TESK2: variants seen among roughly 807,000 people sequenced by gnomAD.
TESK2 encodes dual specificity testis-specific protein kinase 2.
A neutral mutation model predicts 57.1 loss-of-function variants in TESK2; 39 were observed. The observed-to-expected ratio is 0.68, with a 90% CI of 0.53 to 0.89. The LOEUF is 0.89. TESK2 is among the 40% of genes least tolerant of loss of function. The pLI, the probability that TESK2 is intolerant of heterozygous loss-of-function variation, is 0.00. For missense variants in TESK2, 646 were observed against 732.1 expected (o/e 0.88, Z 1.36); for synonymous variants, 249 against 267.9 (o/e 0.93, Z 0.69).
chr1:45,483,304 A>C (rs1653311608), intron 1 of TESK2, among the ~76,000 whole-genome samples: 1 of 150,920 alleles, frequency 6.6e-6, no homozygotes, highest in Non-Finnish European at 1.5e-5. Context: ...CAACAACAAC[A>C]AAAAAGAGGA....
At chr1:45,389,853 C>G (rs1002521382) in intron 3 of TESK2, among the ~76,000 whole-genome samples, 1 of 152,152 alleles carries the variant, frequency 6.6e-6, no homozygotes, top group Non-Finnish European at 1.5e-5. Context: ...AAATAAAGGT[C>G]AGTGGTTTTT....
intron 2 of TESK2, among the ~76,000 whole-genome samples, chr1:45,434,586 G>A (rs1651117618): frequency 6.6e-6 from 1 of 151,792 alleles, no homozygotes; most frequent in East Asian, 1.9e-4. Context: ...ATGATGTTGA[G>A]CATTTTTCGT....
chr1:45,349,514 T>C (rs1378261155), intron 5 of TESK2, among the ~76,000 whole-genome samples: 1 of 152,218 alleles, frequency 6.6e-6, no homozygotes, highest in Admixed American at 6.5e-5. Context: ...ATGTCACCTA[T>C]GTCTCTTCCC....
At chr1:45,379,162 C>T (rs1648550716) in intron 4 of TESK2, among the ~76,000 whole-genome samples, 1 of 152,172 alleles carries the variant, frequency 6.6e-6, no homozygotes, top group Non-Finnish European at 1.5e-5. Flanking sequence ...CAGGGTCTGC[C>T]TTGCTCACTT....
At chr1:45,419,818 G>A (rs74227014) in intron 3 of TESK2, among the ~76,000 whole-genome samples, 1 of 152,026 alleles carries the variant, frequency 6.6e-6, no homozygotes, top group East Asian at 1.9e-4. Context: ...AAAAAAAAGT[G>A]TTAATTTGAC....
At chr1:45,453,802 AAT>A (rs546938409) in intron 2 of TESK2, among the ~76,000 whole-genome samples, 2 of 152,176 alleles carry the variant, frequency 1.3e-5, no homozygotes, top group Non-Finnish European at 1.5e-5. Flanking sequence ...GTAAGGGATA[AAT>A]ATTCCCTATA....
chr1:45,390,241 G>A (rs1404543822), intron 3 of TESK2, among the ~76,000 whole-genome samples: 2 of 152,140 alleles, frequency 1.3e-5, no homozygotes, highest in East Asian at 1.9e-4. Flanking sequence ...GACCAGCCTG[G>A]AGAATACGGT....
intron 3 of TESK2, among the ~76,000 whole-genome samples, chr1:45,392,180 G>T (rs991888803): frequency 6.6e-6 from 1 of 152,144 alleles, no homozygotes; most frequent in Non-Finnish European, 1.5e-5. Context: ...CCGCCTCCCG[G>T]GTTCAAGCAA....
At chr1:45,479,211 A>C (rs921123146) in intron 1 of TESK2, among the ~76,000 whole-genome samples, 6 of 152,212 alleles carry the variant, frequency 3.9e-5, no homozygotes, top group Admixed American at 6.5e-5. Flanking sequence ...AGTAAATACT[A>C]TGTAATGTGA....
At chr1:45,409,445 T>C (rs920662026) in intron 3 of TESK2, among the ~76,000 whole-genome samples, 1 of 152,172 alleles carries the variant, frequency 6.6e-6, no homozygotes, top group African/African-American at 2.4e-5. Flanking sequence ...TGATTGGAAA[T>C]ATGGTCAGAG....
rs759546965 is a variant in TESK2 at position 45,346,786 on chromosome 1, A to G, written c.793-7T>C. On this transcript the variant is annotated splice_region_variant and splice_polypyrimidine_tract_variant and intron_variant, in intron 8 of 10. Coordinates refer to ENST00000372086, the MANE Select transcript of TESK2 (RefSeq NM_007170.3). The stretch of plus-strand genomic sequence containing the variant: ...CATAGTCCAGCCCGAAATTCTGTGG[A>G]TGGGTATGGAAAGCATAGGTAGACA... 1.2e-6 allele frequency: 2 copies of G among 1,613,132 alleles called. No individual in the cohort carries two copies. The highest frequency in any genetic ancestry group is 1.7e-6 in the Non-Finnish European group (2 of 1,179,226).
At chr1:45,476,825 A>G (rs1301244453) in intron 1 of TESK2, among the ~76,000 whole-genome samples, 1 of 148,092 alleles carries the variant, frequency 6.8e-6, no homozygotes, top group African/African-American at 2.5e-5. Flanking sequence ...CCAGCCTGGG[A>G]GATAGAGTGA....
At chr1:45,384,827 G>A (rs542888344) in intron 4 of TESK2, among the ~76,000 whole-genome samples, 11 of 151,694 alleles carry the variant, frequency 7.3e-5, no homozygotes, top group Admixed American at 2.6e-4. Flanking sequence ...AGATTCAAAC[G>A]TATGTAATCA....
intron 3 of TESK2, among the ~76,000 whole-genome samples, chr1:45,421,009 C>T (rs1650455257): frequency 6.6e-6 from 1 of 152,010 alleles, no homozygotes; most frequent in Non-Finnish European, 1.5e-5. Context: ...AAATAATTGT[C>T]CACTTTGGGA....
chr1:45,376,371 AC>A, intron 4 of TESK2, among the ~76,000 whole-genome samples: 1 of 145,344 alleles, frequency 6.9e-6, no homozygotes, highest in East Asian at 2.0e-4. Context: ...CCCCGCCACC[AC>A]GTCTGGCTAA....
intron 1 of TESK2, among the ~76,000 whole-genome samples, chr1:45,458,464 C>T (rs188354807): frequency 6.6e-6 from 1 of 151,840 alleles, no homozygotes; most frequent in East Asian, 1.9e-4. Context: ...ACTCAGGAGG[C>T]TGAAGTAGGA....
chr1:45,377,244 T>C (rs1210415112), intron 4 of TESK2, among the ~76,000 whole-genome samples: 1 of 151,482 alleles, frequency 6.6e-6, no homozygotes, highest in African/African-American at 2.4e-5. Flanking sequence ...AAAAAGTATT[T>C]GTAGGAATTG....
At chr1:45,413,421 C>G (rs1557563213) in intron 3 of TESK2, among the ~76,000 whole-genome samples, 1 of 152,142 alleles carries the variant, frequency 6.6e-6, no homozygotes, top group Non-Finnish European at 1.5e-5. Context: ...TCAGCTCACT[C>G]ACTCCTGCTG....
At chr1:45,351,712 C>T (rs1472454914) in intron 5 of TESK2, among the ~76,000 whole-genome samples, 5 of 152,228 alleles carry the variant, frequency 3.3e-5, no homozygotes, top group Non-Finnish European at 5.9e-5. Flanking sequence ...TCCAAGGTCA[C>T]TGAAGTCGTT....
Sources: gnomAD v4.1 joint callset for allele counts (sites outside exome capture counted in the v4.1 genomes callset) on GRCh38, gnomAD v4.1.1 for gene constraint, MANE v1.5 for transcripts, NCBI Gene and HGNC (gene_info 2026-07-23, HGNC 2026-07-21) for gene names.